EDA: variants seen among roughly 807,000 people sequenced by gnomAD.
The protein encoded by EDA is ectodysplasin A.
Under a neutral mutation model 23.6 loss-of-function variants are expected in EDA, and 2 were observed. The ratio of observed to expected loss-of-function variants is 0.08; its 90% CI spans 0.03 to 0.27. EDA has a LOEUF of 0.27. Among genes scored for constraint, EDA ranks in the 10% least tolerant of loss-of-function variants. The probability of loss-of-function intolerance (pLI) is 1.00; values close to 1 mark genes in which losing one functional copy is unlikely to be tolerated. For missense variants in EDA, 229 were observed against 324.2 expected (o/e 0.71, Z 2.26); for synonymous variants, 131 against 132.0 (o/e 0.99, Z 0.05).
At chrX:70,034,799 A>C (rs1486063664) in intron 7 of EDA, among the ~76,000 whole-genome samples, 1 of 111,858 alleles carries the variant, frequency 8.9e-6, no homozygotes, top group Non-Finnish European at 1.9e-5. Flanking sequence ...TGGGAGGCCC[A>C]AGGGGCACTG....
chrX:69,862,654 C>T lies in EDA; in HGVS notation c.397-94373C>T, dbSNP rs193027658. On this transcript the variant is annotated intron_variant, in intron 1 of 7. Transcript: ENST00000374552. ...TAGAATCAGGATCTCTCTATGTTGC[C>T]CAGTCTAGTCAAACTTCTGGCCTGA... 8.1e-5 allele frequency among the ~76,000 whole-genome samples: 9 copies of T among 110,833 alleles called. No individual in the cohort carries two copies. The South Asian group carries it at 1.2e-3, about 14-fold the overall frequency.
intron 1 of EDA, among the ~76,000 whole-genome samples, chrX:69,821,570 T>G (rs2016225201): frequency 8.9e-6 from 1 of 112,162 alleles, no homozygotes; most frequent in Non-Finnish European, 1.9e-5. Context: ...ATGAATTTTG[T>G]AATTAACCTT....
intron 1 of EDA, among the ~76,000 whole-genome samples, chrX:69,911,098 AT>A: frequency 8.9e-6 from 1 of 112,052 alleles, no homozygotes. Flanking sequence ...TCAAAAGAGT[AT>A]TTTTTTAAGC....
At chrX:69,970,460 C>T (rs1441796806) in intron 2 of EDA, among the ~76,000 whole-genome samples, 2 of 109,171 alleles carry the variant, frequency 1.8e-5, no homozygotes, top group African/African-American at 3.3e-5. Context: ...GGTTATGAGT[C>T]GAATGAATGA....
rs531077547 is a variant in EDA, at chrX:69,888,101, G to A, written c.397-68926G>A. On this transcript the variant is annotated intron_variant, in intron 1 of 7. Coordinates refer to ENST00000374552, the MANE Select transcript of EDA (RefSeq NM_001399.5). ...GTTATCTCTAGTATAAATGTTAAAA[G>A]ACAAGACTGTTAAAAATAACTATAG... 2.7e-5 allele frequency among the ~76,000 whole-genome samples: 3 copies of A among 111,459 alleles called. No individual in the cohort carries two copies. In the East Asian group the frequency reaches 8.4e-4, roughly 31 times the overall value.
intron 1 of EDA, among the ~76,000 whole-genome samples, chrX:69,699,486 G>T (rs1454649000): frequency 9.0e-6 from 1 of 111,240 alleles, no homozygotes; most frequent in Non-Finnish European, 1.9e-5. Flanking sequence ...GTACACTGCG[G>T]TGAGCTAGCA....
intron 1 of EDA, among the ~76,000 whole-genome samples, chrX:69,692,316 G>A (rs182261941): frequency 2.7e-5 from 3 of 111,564 alleles, no homozygotes; most frequent in Non-Finnish European, 1.9e-5. Context: ...GACACAAGTA[G>A]ATCACAAAAC....
intron 1 of EDA, among the ~76,000 whole-genome samples, chrX:69,953,458 A>G (rs1410608517): frequency 8.9e-6 from 1 of 112,183 alleles, no homozygotes; most frequent in Non-Finnish European, 1.9e-5. Context: ...GGCATTTAAA[A>G]TGGTAGTCAC....
At chrX:70,011,370 A>C (rs1418662939) in intron 2 of EDA, among the ~76,000 whole-genome samples, 6 of 101,619 alleles carry the variant, frequency 5.9e-5, no homozygotes, top group Non-Finnish European at 9.9e-5. Flanking sequence ...TCACTCTGTC[A>C]CCCAAGCTGG....
At chrX:69,957,003 C>CTAA in intron 1 of EDA, 24 bp from the exon 2 acceptor site, 1 of 1,186,018 alleles carries the variant, frequency 8.4e-7, no homozygotes, top group Non-Finnish European at 1.1e-6. Context: ...CAACCTTTGA[C>CTAA]TAATGTACTT....
chrX:69,802,249 C>A (rs1342999817), intron 1 of EDA, among the ~76,000 whole-genome samples: 1 of 108,690 alleles, frequency 9.2e-6, no homozygotes, highest in Non-Finnish European at 1.9e-5. Flanking sequence ...GCAAAAAAAA[C>A]AAGTGTAGAA....
intron 1 of EDA, among the ~76,000 whole-genome samples, chrX:69,705,236 AAAAG>A (rs201589847): frequency 0.12 from 13,199 of 105,787 alleles, 782 homozygotes; most frequent in Non-Finnish European, 0.17. Flanking sequence ...AAAAAAAAAA[AAAAG>A]AAAGAAAGAA....
At chrX:69,677,904 T>C (rs1934167378) in intron 1 of EDA, among the ~76,000 whole-genome samples, 1 of 112,051 alleles carries the variant, frequency 8.9e-6, no homozygotes, top group African/African-American at 3.2e-5. Flanking sequence ...CCCATGCCTA[T>C]GTCCTGAATG....
intron 1 of EDA, among the ~76,000 whole-genome samples, chrX:69,809,331 G>C (rs933396994): frequency 9.0e-6 from 1 of 111,375 alleles, no homozygotes; most frequent in African/African-American, 3.3e-5. Context: ...AAGGGGAAGA[G>C]AGAGAGCAAA....
At chrX:69,752,603 G>T (rs1175537503) in intron 1 of EDA, among the ~76,000 whole-genome samples, 1 of 111,941 alleles carries the variant, frequency 8.9e-6, no homozygotes, top group Non-Finnish European at 1.9e-5. Context: ...AAATGAATTA[G>T]GGAAGATTCC....
chrX:69,634,614 C>T (rs1438983206), intron 1 of EDA, among the ~76,000 whole-genome samples: 3 of 111,307 alleles, frequency 2.7e-5, no homozygotes, highest in Non-Finnish European at 5.7e-5. Context: ...CTACCATGCC[C>T]GGCCTCCTTA....
At chrX:69,751,601 A>G (rs376399562) in intron 1 of EDA, among the ~76,000 whole-genome samples, 11 of 112,103 alleles carry the variant, frequency 9.8e-5, no homozygotes, top group East Asian at 5.5e-4. Flanking sequence ...CATTGAATCT[A>G]TAAATTACCT....
At chrX:69,786,030 A>T (rs996113493) in intron 1 of EDA, among the ~76,000 whole-genome samples, 3 of 109,206 alleles carry the variant, frequency 2.7e-5, no homozygotes, top group African/African-American at 9.9e-5. Context: ...GAGAGAGTGT[A>T]TGTGTCGAGG....
At chrX:69,881,666 G>A (rs1020728368) in intron 1 of EDA, among the ~76,000 whole-genome samples, 5 of 111,530 alleles carry the variant, frequency 4.5e-5, no homozygotes, top group South Asian at 3.8e-4. Context: ...TCCATTTTGC[G>A]TTGCTATAAG....
Sources: gnomAD v4.1 joint callset for allele counts (sites outside exome capture counted in the v4.1 genomes callset) on GRCh38, gnomAD v4.1.1 for gene constraint, MANE v1.5 for transcripts, NCBI Gene and HGNC (gene_info 2026-07-23, HGNC 2026-07-21) for gene names.